SELENOF: variants seen among roughly 807,000 people sequenced by gnomAD.
SELENOF encodes selenoprotein F.
In SELENOF, 16 loss-of-function variants were observed where a neutral mutation model predicts 20.5. The ratio of observed to expected loss-of-function variants is 0.78; its 90% CI spans 0.53 to 1.19. The LOEUF is 1.19. Among genes scored for constraint, SELENOF ranks in the 50% most tolerant of loss-of-function variants. SELENOF has a pLI of 0.00. For synonymous variants in SELENOF, 78 were observed against 74.5 expected (o/e 1.05, Z -0.24); for missense variants, 215 against 194.2 (o/e 1.11, Z -0.64).
intron 3 of SELENOF, among the ~76,000 whole-genome samples, chr1:86,872,851 G>T (rs1285498516): frequency 6.6e-6 from 1 of 151,948 alleles, no homozygotes; most frequent in Admixed American, 6.6e-5. Flanking sequence ...GACCATCCTG[G>T]CTAACACGGT....
intron 2 of SELENOF, among the ~76,000 whole-genome samples, chr1:86,883,624 G>A (rs1049971841): frequency 1.3e-5 from 2 of 152,050 alleles, no homozygotes; most frequent in African/African-American, 4.8e-5. Flanking sequence ...TTGTTTATAA[G>A]CCTTTAGAAA....
intron 1 of SELENOF, among the ~76,000 whole-genome samples, chr1:86,910,726 T>G (rs1481708274): frequency 1.3e-5 from 2 of 149,108 alleles, no homozygotes; most frequent in Non-Finnish European, 3.0e-5. Context: ...AAAAAAGGTT[T>G]CAGTCTAACA....
At chr1:86,900,430 A>T (rs1164032748) in intron 2 of SELENOF, among the ~76,000 whole-genome samples, 1 of 151,778 alleles carries the variant, frequency 6.6e-6, no homozygotes, top group East Asian at 1.9e-4. Flanking sequence ...CACCAAAAAA[A>T]TACGAAAACC....
chr1:86,901,950 CTTCT>C (rs1557470177), intron 2 of SELENOF, among the ~76,000 whole-genome samples: 1 of 152,068 alleles, frequency 6.6e-6, no homozygotes, highest in East Asian at 1.9e-4. Flanking sequence ...TTCTTCAGTC[CTTCT>C]GAGTTTGGTG....
At chr1:86,889,071 A>C in intron 2 of SELENOF, among the ~76,000 whole-genome samples, 1 of 152,330 alleles carries the variant, frequency 6.6e-6, no homozygotes, top group African/African-American at 2.4e-5. Flanking sequence ...AAAGATACAA[A>C]AATAAAGCTA....
At chr1:86,877,114 T>C (rs1476848292) in intron 3 of SELENOF, among the ~76,000 whole-genome samples, 1 of 152,218 alleles carries the variant, frequency 6.6e-6, no homozygotes, top group Non-Finnish European at 1.5e-5. Context: ...TCTTCATTAC[T>C]GGAATAGTGA....
intron 2 of SELENOF, among the ~76,000 whole-genome samples, chr1:86,901,859 G>C (rs1659712647): frequency 6.6e-6 from 1 of 152,192 alleles, no homozygotes; most frequent in Admixed American, 6.5e-5. Context: ...CATATCTGTT[G>C]TCAAATAGCA....
chr1:86,895,171 GA>G (rs1659486018), intron 2 of SELENOF, among the ~76,000 whole-genome samples: 1 of 152,080 alleles, frequency 6.6e-6, no homozygotes, highest in Non-Finnish European at 1.5e-5. Flanking sequence ...ATTTCCTCTT[GA>G]TTCGACTAAT....
intron 1 of SELENOF, among the ~76,000 whole-genome samples, chr1:86,913,566 C>CCTG (rs1176733522): frequency 6.6e-6 from 1 of 152,172 alleles, no homozygotes; most frequent in African/African-American, 2.4e-5. Context: ...AGTTAAGAGA[C>CCTG]TAACAGAAGT....
chr1:86,875,847 A>T (rs1658911400), intron 3 of SELENOF, among the ~76,000 whole-genome samples: 3 of 152,218 alleles, frequency 2.0e-5, no homozygotes, highest in Admixed American at 2.0e-4. Context: ...AGAATTAGGA[A>T]GCAGCACAAG....
At chr1:86,913,322 T>G (rs1458433132) in intron 1 of SELENOF, among the ~76,000 whole-genome samples, 1 of 152,102 alleles carries the variant, frequency 6.6e-6, no homozygotes, top group African/African-American at 2.4e-5. Context: ...TGAGAAGAAA[T>G]AAGTTAAAAG....
At chr1:86,879,060 T>C (rs1040285845) in intron 3 of SELENOF, among the ~76,000 whole-genome samples, 3 of 152,106 alleles carry the variant, frequency 2.0e-5, no homozygotes, top group African/African-American at 7.2e-5. Context: ...CGGTAGATAA[T>C]AAAATCTGAT....
intron 2 of SELENOF, among the ~76,000 whole-genome samples, chr1:86,895,223 T>G (rs1228989664): frequency 6.6e-6 from 1 of 152,212 alleles, no homozygotes; most frequent in Non-Finnish European, 1.5e-5. Flanking sequence ...TGCTCCAAAT[T>G]TTAACACTGG....
chr1:86,876,456 T>C (rs1181407531), intron 3 of SELENOF, among the ~76,000 whole-genome samples: 1 of 152,198 alleles, frequency 6.6e-6, no homozygotes, highest in African/African-American at 2.4e-5. Context: ...TCAGGACCCA[T>C]CCCAAATTTA....
At chr1:86,912,920 G>C (rs1397411100) in intron 1 of SELENOF, among the ~76,000 whole-genome samples, 1 of 152,064 alleles carries the variant, frequency 6.6e-6, no homozygotes, top group Non-Finnish European at 1.5e-5. Flanking sequence ...ATCAAAAAAA[G>C]ACAACCTGAA....
At chr1:86,901,234 ATATT>A (rs1476097457) in intron 2 of SELENOF, among the ~76,000 whole-genome samples, 1 of 152,186 alleles carries the variant, frequency 6.6e-6, no homozygotes, top group East Asian at 1.9e-4. Flanking sequence ...TATATTATAT[ATATT>A]GTGTTATCCA....
At chr1:86,881,961 T>C (rs1659081560) in intron 2 of SELENOF, among the ~76,000 whole-genome samples, 1 of 152,004 alleles carries the variant, frequency 6.6e-6, no homozygotes, top group South Asian at 2.1e-4. Context: ...TGGCCAGGCA[T>C]GGTGGCTCAT....
chr1:86,910,369 G>C (rs1181966319), intron 1 of SELENOF, among the ~76,000 whole-genome samples: 2 of 152,088 alleles, frequency 1.3e-5, no homozygotes, highest in Non-Finnish European at 1.5e-5. Flanking sequence ...TCCTGTGGGG[G>C]TCACATTCAC....
chr1:86,892,436 C>G (rs1659414322), intron 2 of SELENOF, among the ~76,000 whole-genome samples: 2 of 152,138 alleles, frequency 1.3e-5, no homozygotes, highest in Admixed American at 1.3e-4. Flanking sequence ...CTTACAGACA[C>G]ACGACAAAAG....
Sources: gnomAD v4.1 joint callset for allele counts (sites outside exome capture counted in the v4.1 genomes callset) on GRCh38, gnomAD v4.1.1 for gene constraint, MANE v1.5 for transcripts, NCBI Gene and HGNC (gene_info 2026-07-23, HGNC 2026-07-21) for gene names.